The following CUX1 variants were observed in gnomAD, a reference collection of about 807,000 sequenced individuals.
CUX1 encodes cut like homeobox 1.
CUX1 carries 31 observed loss-of-function variants against 158.8 expected under a neutral mutation model. The observed-to-expected ratio is 0.20, with a 90% CI of 0.15 to 0.26. The LOEUF is 0.26. Among genes scored for constraint, CUX1 ranks in the 10% least tolerant of loss-of-function variants. The pLI, the probability that CUX1 is intolerant of heterozygous loss-of-function variation, is 1.00. For synonymous variants in CUX1, 879 were observed against 862.1 expected, an observed-to-expected ratio of 1.02 and a Z score of -0.34; for missense variants, 1,589 against 2,014.6, an observed-to-expected ratio of 0.79 and a Z score of 4.04.
At chr7:102,206,270 G>C (rs558550543) in intron 20 of CUX1, among the ~76,000 whole-genome samples, 1 of 152,150 alleles carries the variant, frequency 6.6e-6, no homozygotes, top group Non-Finnish European at 1.5e-5. Flanking sequence ...CGTGGGGGTC[G>C]AGAGGCTGCA....
chr7:101,915,363 A>T (rs568730223), intron 1 of CUX1, among the ~76,000 whole-genome samples: 4 of 152,276 alleles, frequency 2.6e-5, no homozygotes, highest in African/African-American at 9.6e-5. Context: ...CAGAGTCCTC[A>T]GCCCCCTAGC....
chr7:102,258,340 G>A (rs939815037), downstream of CUX1: 3 of 274,906 alleles, frequency 1.1e-5, no homozygotes, highest in Non-Finnish European at 1.7e-5. Context: ...TCCCGAGGTC[G>A]TCCCCTTTGC....
chr7:101,827,909 G>A (rs1379852424), intron 1 of CUX1, among the ~76,000 whole-genome samples: 1 of 151,850 alleles, frequency 6.6e-6, no homozygotes, highest in Non-Finnish European at 1.5e-5. Context: ...CAAGGTGGTG[G>A]AGATGGAAGG....
At chr7:102,192,676 A>G (rs1479913301) in intron 12 of CUX1, among the ~76,000 whole-genome samples, 2 of 152,120 alleles carry the variant, frequency 1.3e-5, no homozygotes, top group African/African-American at 4.8e-5. Flanking sequence ...GGCTCACACT[A>G]GGGGGACAGA....
intron 1 of CUX1, among the ~76,000 whole-genome samples, chr7:101,827,817 G>A (rs1460464675): frequency 6.6e-6 from 1 of 152,024 alleles, no homozygotes; most frequent in Non-Finnish European, 1.5e-5. Flanking sequence ...AATATAGAAT[G>A]GATCATCATA....
In CUX1 at chr7:102,249,106, G is replaced by T; in HGVS notation, c.*64G>T. 8.4e-7 allele frequency: 1 copy of T among 1,195,988 alleles called. No homozygotes were observed. Among genetic ancestry groups the T allele is most frequent in the Non-Finnish European group, 1.0e-6 (1 of 961,460 alleles). 74.1% of individuals were successfully genotyped at this position (1,195,988 alleles called of 1,614,324 possible). A position where few individuals can be genotyped will look rare whatever the true frequency, so the allele number is the denominator to read the frequency against. The stretch of plus-strand genomic sequence containing the variant: ...CAAGGGCCTGGACGGGGTCGGACGG[G>T]GCAGGCGCTGCGGACACCGTGGCCT... On this transcript the variant is annotated 3_prime_UTR_variant, in exon 24 of 24. Transcript: ENST00000292535.
chr7:102,137,582 G>C (rs1163006641), intron 8 of CUX1, among the ~76,000 whole-genome samples: 1 of 152,156 alleles, frequency 6.6e-6, no homozygotes, highest in African/African-American at 2.4e-5. Context: ...GTTACAGTGA[G>C]CTGAGATGGC....
At chr7:101,939,058 CATATATATATATAT>C (rs58303224) in intron 2 of CUX1, among the ~76,000 whole-genome samples, 730 of 52,472 alleles carry the variant, frequency 0.014, 19 homozygotes, top group East Asian at 0.04. Flanking sequence ...AAAAAAAATA[CATATATATATATAT>C]ATATATATAT....
In CUX1 at chr7:102,065,790, T is replaced by G. The variant is rs150268268; in HGVS notation, c.190-4549T>G. Among the ~76,000 whole-genome samples, 756 of 147,400 alleles carry G rather than the reference T, an allele frequency of 5.1e-3. 7 individuals carry two copies. The highest frequency in any genetic ancestry group is 0.018 in the African/African-American group (703 of 39,550). ...AATGACATGGATACACGTGGAGTGGTTTTTTTTTTGTTTTGTTCTGAGATG... is the reference window on the plus strand; with the variant it reads ...AATGACATGGATACACGTGGAGTGGGTTTTTTTTTGTTTTGTTCTGAGATG... On this transcript the variant is annotated intron_variant, in intron 3 of 23. Coordinates refer to ENST00000292535, the MANE Select transcript of CUX1 (RefSeq NM_181552.4).
Position 102,234,250 on chromosome 7 carries a change from C to T in CUX1, c.3622+10C>T. Reference sequence around the variant, plus strand: ...CGGATGGAGAAGAAAGGTAAGTCTCCCTGCCCCGCCCGGGCCGGCTGCGTC... The same window carrying T: ...CGGATGGAGAAGAAAGGTAAGTCTCTCTGCCCCGCCCGGGCCGGCTGCGTC... On this transcript the variant is annotated intron_variant, in intron 22 of 23. Transcript: ENST00000292535. The T allele has an allele frequency of 6.6e-7, 1 of 1,513,474 alleles. No homozygotes were observed. Among genetic ancestry groups the T allele is most frequent in the East Asian group, 2.5e-5 (1 of 39,334 alleles). 93.8% of individuals were successfully genotyped at this position (1,513,474 alleles called of 1,614,324 possible). A position where few individuals can be genotyped will look rare whatever the true frequency, so the allele number is the denominator to read the frequency against.
chr7:101,838,515 T>C (rs1247023037), intron 1 of CUX1, among the ~76,000 whole-genome samples: 2 of 151,358 alleles, frequency 1.3e-5, no homozygotes, highest in African/African-American at 4.9e-5. Context: ...GAAATCCATC[T>C]TCAGGGCCAG....
At chr7:102,227,276 T>C in intron 20 of CUX1, 91 bp from the exon 21 acceptor site, 1 of 1,125,880 alleles carries the variant, frequency 8.9e-7, no homozygotes, top group Non-Finnish European at 1.3e-6. Flanking sequence ...CTACAGAGCG[T>C]TTAATTAGTA....
chr7:102,060,608 A>AACACACACACACAC lies in CUX1; in HGVS notation c.190-9708_190-9695dup, dbSNP rs58786987. Among the ~76,000 whole-genome samples the AACACACACACACAC allele has an allele frequency of 6.1e-3, 812 of 133,284 alleles. 14 individuals carry two copies. Among genetic ancestry groups the AACACACACACACAC allele is most frequent in the East Asian group, 0.045 (197 of 4,330 alleles). 87.4% of individuals were successfully genotyped at this position (133,284 alleles called of 152,430 possible). A position where few individuals can be genotyped will look rare whatever the true frequency, so the allele number is the denominator to read the frequency against. ...ATATATATATACACACACACAAATAAACACACACACACACACACACACACA... is the reference window on the plus strand; with the variant it reads ...ATATATATATACACACACACAAATAAACACACACACACACACACACACACACACACACACACACA... On this transcript the variant is annotated intron_variant, in intron 3 of 23. Coordinates refer to ENST00000292535, the MANE Select transcript of CUX1 (RefSeq NM_181552.4).
At chr7:102,126,988 A>G (rs1432335086) in intron 8 of CUX1, among the ~76,000 whole-genome samples, 1 of 152,128 alleles carries the variant, frequency 6.6e-6, no homozygotes, top group Non-Finnish European at 1.5e-5. Flanking sequence ...TCGCATGCGC[A>G]GTTCACAGTA....
At chr7:101,985,770 G>A (rs1814222256) in intron 2 of CUX1, among the ~76,000 whole-genome samples, 1 of 152,232 alleles carries the variant, frequency 6.6e-6, no homozygotes, top group African/African-American at 2.4e-5. Flanking sequence ...TATGGTGTCA[G>A]TGTCTGCCAG....
intron 22 of CUX1, among the ~76,000 whole-genome samples, chr7:102,235,955 A>G (rs1234458112): frequency 3.3e-5 from 5 of 151,806 alleles, no homozygotes; most frequent in African/African-American, 4.8e-5. Context: ...CAGGAACCCT[A>G]TGGGGGTTCC....
intron 9 of CUX1, among the ~76,000 whole-genome samples, chr7:102,168,670 A>T (rs1048160240): frequency 6.9e-6 from 1 of 145,812 alleles, no homozygotes; most frequent in African/African-American, 2.6e-5. Context: ...AAAAAATCCT[A>T]ATTTGTCTGT....
intron 8 of CUX1, among the ~76,000 whole-genome samples, chr7:102,132,599 C>A (rs1833423199): frequency 6.6e-6 from 1 of 151,838 alleles, no homozygotes; most frequent in Non-Finnish European, 1.5e-5. Flanking sequence ...CATGTTAGTT[C>A]CGCCTTCTTG....
chr7:102,204,419 G>C lies in CUX1; in HGVS notation c.2936G>C (p.Ser979Thr). Reference protein sequence around the residue: ...KVLGLSQGSVSDMLSRPKPWS... With the variant: ...KVLGLSQGSVTDMLSRPKPWS... ...CTGGGCCTGTCCCAGGGCAGCGTCAGCGACATGCTGTCCCGACCGAAGCCA... is the reference window on the plus strand; with the variant it reads ...CTGGGCCTGTCCCAGGGCAGCGTCACCGACATGCTGTCCCGACCGAAGCCA... Residue 979 changes from serine to threonine, a missense_variant, in exon 19 of 24, where the codon AGC (serine) becomes ACC (threonine). Transcript: ENST00000292535. The C allele has an allele frequency of 6.2e-7, 1 of 1,613,630 alleles. No homozygotes were observed. Among genetic ancestry groups the C allele is most frequent in the Non-Finnish European group, 8.5e-7 (1 of 1,180,032 alleles).
Sources: gnomAD v4.1 joint callset for allele counts (sites outside exome capture counted in the v4.1 genomes callset) on GRCh38, gnomAD v4.1.1 for gene constraint, MANE v1.5 for transcripts, NCBI Gene and HGNC (gene_info 2026-07-23, HGNC 2026-07-21) for gene names.